Variants in SEC23B observed in about 807,000 individuals in gnomAD.
SEC23B encodes the protein protein transport protein Sec23B.
A neutral mutation model predicts 104.3 loss-of-function variants in SEC23B; 77 were observed. The observed-to-expected ratio is 0.74, with a 90% CI of 0.61 to 0.89. The LOEUF is 0.89. Among genes scored for constraint, SEC23B ranks in the 40% least tolerant of loss-of-function variants. SEC23B has a pLI of 0.00. For synonymous variants in SEC23B, 338 were observed against 332.5 expected, an observed-to-expected ratio of 1.02 and a Z score of -0.18; for missense variants, 885 against 949.4, an observed-to-expected ratio of 0.93 and a Z score of 0.89.
intron 12 of SEC23B, among the ~76,000 whole-genome samples, chr20:18,540,673 C>T (rs4814759): frequency 0.92 from 140,581 of 152,178 alleles, 65,847 homozygotes; most frequent in East Asian, 1. Context: ...CTGGGCAATG[C>T]TGTGAGGCCT....
intron 14 of SEC23B, among the ~76,000 whole-genome samples, chr20:18,544,055 T>C (rs1356711492): frequency 1.3e-5 from 2 of 152,112 alleles, no homozygotes; most frequent in Admixed American, 1.3e-4. Context: ...CTGACAACGC[T>C]TGATATCGTG....
intron 12 of SEC23B, among the ~76,000 whole-genome samples, chr20:18,536,571 A>G (rs559890621): frequency 6.6e-6 from 1 of 152,234 alleles, no homozygotes; most frequent in East Asian, 1.9e-4. Flanking sequence ...GGGTGCCTGT[A>G]GTCCCAGCTA....
At chr20:18,547,522 G>A (rs1179887187) in intron 15 of SEC23B, among the ~76,000 whole-genome samples, 3 of 151,882 alleles carry the variant, frequency 2.0e-5, no homozygotes, top group East Asian at 1.9e-4. Context: ...TCTCATCCTC[G>A]AGGGCGAGAA....
Position 18,554,970 on chromosome 20 carries a change from TTCTAATTAGATTACTGTGCAGTAAAA to T in SEC23B, c.2149-137_2149-112del. The T allele has an allele frequency of 2.4e-4, 17 of 70,082 alleles. 1 individual carries two copies. The highest frequency in any genetic ancestry group is 5.6e-4 in the Non-Finnish European group (13 of 23,118). 4.3% of individuals were successfully genotyped at this position (70,082 alleles called of 1,614,324 possible). A position where few individuals can be genotyped will look rare whatever the true frequency, so the allele number is the denominator to read the frequency against. On this transcript the variant is annotated intron_variant, in intron 18 of 19. Coordinates refer to ENST00000650089, the MANE Select transcript of SEC23B (RefSeq NM_006363.6). Reference sequence around the variant, plus strand: ...AATAGATTACTGTGCAGTAAAACAATTCTAATTAGATTACTGTGCAGTAAAACAATTCTAATTTAACCAAACAAATG... The same window carrying T: ...AATAGATTACTGTGCAGTAAAACAATCAATTCTAATTTAACCAAACAAATG...
chr20:18,525,949 C>T lies in SEC23B; in HGVS notation c.834+17C>T, dbSNP rs769522512. ...TTGCTGGAGGTAATTTAAAATTTACCAGGACCTCTCAAATCATACAAATGT... is the reference window on the plus strand; with the variant it reads ...TTGCTGGAGGTAATTTAAAATTTACTAGGACCTCTCAAATCATACAAATGT... On this transcript the variant is annotated intron_variant, in intron 7 of 19. Coordinates refer to ENST00000650089, the MANE Select transcript of SEC23B (RefSeq NM_006363.6). 3 of 1,613,336 alleles carry T rather than the reference C, an allele frequency of 1.9e-6. No homozygotes were observed. Among genetic ancestry groups the T allele is most frequent in the Non-Finnish European group, 2.5e-6 (3 of 1,179,340 alleles).
intron 15 of SEC23B, among the ~76,000 whole-genome samples, chr20:18,546,292 G>A (rs1253199483): frequency 6.6e-6 from 1 of 152,124 alleles, no homozygotes; most frequent in Non-Finnish European, 1.5e-5. Flanking sequence ...TTGATATAAG[G>A]CCGTAAAAAA....
At chr20:18,513,565 C>T (rs185601776) in intron 3 of SEC23B, among the ~76,000 whole-genome samples, 11 of 152,220 alleles carry the variant, frequency 7.2e-5, no homozygotes, top group Non-Finnish European at 1.6e-4. Flanking sequence ...CACATGCATT[C>T]GTTCATATAT....
rs562600473 is a variant in SEC23B at position 18,515,911 on chromosome 20, A to G, written c.366+175A>G. ...ACTGGCATTGTTTTCAAGTCCTGAC[A>G]TTATAGAAGGCTACTAAAAAGGTAG... On this transcript the variant is annotated intron_variant, in intron 4 of 19. Transcript: ENST00000650089. 3.5e-5 allele frequency: 22 copies of G among 637,036 alleles called. No homozygotes were observed. The Admixed American group carries it at 4.4e-4, about 13-fold the overall frequency. 39.5% of individuals were successfully genotyped at this position (637,036 alleles called of 1,614,324 possible). A position where few individuals can be genotyped will look rare whatever the true frequency, so the allele number is the denominator to read the frequency against.
intron 4 of SEC23B, among the ~76,000 whole-genome samples, chr20:18,518,085 G>T (rs1283316466): frequency 3.3e-5 from 5 of 152,296 alleles, no homozygotes; most frequent in Non-Finnish European, 7.3e-5. Flanking sequence ...ATGGTAAGGG[G>T]TATGAAGTTT....
At chr20:18,559,221 C>T (rs766475314) in intron 19 of SEC23B, among the ~76,000 whole-genome samples, 8 of 152,118 alleles carry the variant, frequency 5.3e-5, no homozygotes, top group Non-Finnish European at 1.2e-4. Context: ...CCAGCTCCCC[C>T]ATAGCCTCCA....
chr20:18,516,627 C>T (rs1285015208), intron 4 of SEC23B, among the ~76,000 whole-genome samples: 2 of 151,212 alleles, frequency 1.3e-5, no homozygotes, highest in African/African-American at 4.9e-5. Flanking sequence ...TCTCGGCTCA[C>T]TGCAAGCTCT....
rs1361782823 is a variant in SEC23B at position 18,551,113 on chromosome 20, A to C, written c.1930A>C (p.Ile644Leu). 1 of 1,607,550 alleles carries C rather than the reference A, an allele frequency of 6.2e-7. No homozygotes were observed. The highest frequency in any genetic ancestry group is 2.2e-5 in the East Asian group (1 of 44,878). Residue 644 changes from isoleucine to leucine, a missense_variant, in exon 17 of 20, where the codon ATT (isoleucine) becomes CTT (leucine). Ile to Leu is a conservative substitution (Grantham distance 5). Transcript: ENST00000650089. ...PEPVLLDSSS[I>L]LADRILLMDT... is the part of the protein sequence containing the mutation. ...GCCAGTACTCTTGGATAGCAGCAGC[A>C]TTCTAGCTGACAGAATTTTGCTGAT...
rs775843909 is a variant in SEC23B at position 18,545,990 on chromosome 20, C to T, written c.1700C>T (p.Pro567Leu). ...TTTGGACAGTATAACAAAGAAGACCCCACTTCTTTTAGGTTATCAGATTCC... is the reference window on the plus strand; with the variant it reads ...TTTGGACAGTATAACAAAGAAGACCTCACTTCTTTTAGGTTATCAGATTCC... ...QKFGQYNKED[P>L]TSFRLSDSFS... is the part of the protein sequence containing the mutation. The change falls in exon 15 of 20, where the codon CCC (proline) becomes CTC (leucine). Residue 567 changes from proline (P) to leucine (L), a missense_variant. Coordinates refer to ENST00000650089, the MANE Select transcript of SEC23B (RefSeq NM_006363.6). 2 of 1,593,082 alleles carry T rather than the reference C, an allele frequency of 1.3e-6. No homozygotes were observed. Among genetic ancestry groups the T allele is most frequent in the Non-Finnish European group, 1.7e-6 (2 of 1,161,004 alleles).
chr20:18,560,361 G>A (rs1339416972), intron 19 of SEC23B, among the ~76,000 whole-genome samples: 1 of 152,194 alleles, frequency 6.6e-6, no homozygotes, highest in East Asian at 1.9e-4. Flanking sequence ...TGGGGAGCTA[G>A]ACCCTGGGTA....
rs1180570264 is a variant in SEC23B at position 18,537,584 on chromosome 20, T to A, written c.1404+1842T>A. On this transcript the variant is annotated intron_variant, in intron 12 of 19. Coordinates refer to ENST00000650089, the MANE Select transcript of SEC23B (RefSeq NM_006363.6). ...GGGAACATCACACTCTGGGGACTGT[T>A]GTGGGGTGGGGGAAGGGGGGAGGAA... 1.3e-4 allele frequency among the ~76,000 whole-genome samples: 20 copies of A among 151,452 alleles called. No individual in the cohort carries two copies. The East Asian group carries it at 3.7e-3, about 28-fold the overall frequency.
intron 3 of SEC23B, among the ~76,000 whole-genome samples, chr20:18,514,876 C>T (rs1291467429): frequency 6.6e-6 from 1 of 152,122 alleles, no homozygotes; most frequent in African/African-American, 2.4e-5. Context: ...TTTCTACATT[C>T]CGTATGTATT....
chr20:18,559,354 G>T (rs1450276082), intron 19 of SEC23B, among the ~76,000 whole-genome samples: 1 of 152,190 alleles, frequency 6.6e-6, no homozygotes, highest in African/African-American at 2.4e-5. Flanking sequence ...CCAGGTTGCG[G>T]TGGAAGTCCA....
At chr20:18,532,823 C>A in intron 11 of SEC23B, 79 bp downstream of exon 11, 1 of 1,006,808 alleles carries the variant, frequency 9.9e-7, no homozygotes, top group Non-Finnish European at 1.6e-6. Context: ...GATGATCTCA[C>A]ATGTGTCACC....
Position 18,555,133 on chromosome 20 carries a change from A to G in SEC23B, c.2174A>G (p.Asn725Ser). ...SQARFLLSKV[N>S]PSQTHNNLYA... ...GCTCGATTCCTTTTGTCCAAAGTGA[A>G]CCCATCTCAGACACACAATAACCTG... is the stretch of plus-strand genomic sequence containing the variant. The change falls in exon 19 of 20, where the codon AAC (asparagine) becomes AGC (serine). Residue 725 changes from asparagine to serine, a missense_variant. Transcript: ENST00000650089. 6.2e-7 allele frequency: 1 copy of G among 1,613,916 alleles called. No individual in the cohort carries two copies. The highest frequency in any genetic ancestry group is 1.3e-5 in the African/African-American group (1 of 75,002).
Sources: gnomAD v4.1 joint callset for allele counts (sites outside exome capture counted in the v4.1 genomes callset) on GRCh38, gnomAD v4.1.1 for gene constraint, MANE v1.5 for transcripts, NCBI Gene and HGNC (gene_info 2026-07-23, HGNC 2026-07-21) for gene names.